Variants in LIPA observed in about 807,000 individuals in gnomAD.
LIPA encodes the protein lysosomal acid lipase/cholesteryl ester hydrolase.
LIPA carries 26 observed loss-of-function variants against 40.6 expected under a neutral mutation model. The ratio of observed to expected loss-of-function variants is 0.64; its 90% CI spans 0.47 to 0.89. The LOEUF is 0.89. Among genes scored for constraint, LIPA ranks in the 40% least tolerant of loss-of-function variants. The pLI is 0.00. For synonymous variants in LIPA, 188 were observed against 168.4 expected (o/e 1.12, Z -0.90); for missense variants, 455 against 479.6 (o/e 0.95, Z 0.48).
At chr10:89,281,641 T>G (rs1331316342) in intron 1 of LIPA, among the ~76,000 whole-genome samples, 1 of 152,254 alleles carries the variant, frequency 6.6e-6, no homozygotes, top group Non-Finnish European at 1.5e-5. Context: ...ACTCAAGCAC[T>G]GATATTCCAG....
chr10:89,401,938 A>G (rs1310010565), intron 2 of LIPA, among the ~76,000 whole-genome samples: 1 of 152,230 alleles, frequency 6.6e-6, no homozygotes, highest in African/African-American at 2.4e-5. Context: ...TATTAAAATA[A>G]GAAACTCTTA....
At chr10:89,269,665 C>T (rs1432007556) in intron 1 of LIPA, among the ~76,000 whole-genome samples, 5 of 152,130 alleles carry the variant, frequency 3.3e-5, no homozygotes, top group Non-Finnish European at 7.4e-5. Flanking sequence ...AAATTTAAAG[C>T]GATGCGTTGG....
chr10:89,390,099 G>T (rs1299432980), intron 2 of LIPA, among the ~76,000 whole-genome samples: 1 of 147,722 alleles, frequency 6.8e-6, no homozygotes, highest in East Asian at 2.0e-4. Flanking sequence ...CGATTCTCCT[G>T]CCTCAGCCTC....
intron 2 of LIPA, among the ~76,000 whole-genome samples, chr10:89,412,220 G>A (rs1231844897): frequency 6.6e-6 from 1 of 152,182 alleles, no homozygotes; most frequent in East Asian, 1.9e-4. Context: ...ATTGAGAGGT[G>A]AAGCTGGCTG....
Position 89,214,183 on chromosome 10 carries a change from C to T in LIPA, c.*645G>A, listed in dbSNP as rs1035020554. 2.0e-5 allele frequency: 3 copies of T among 152,204 alleles called. No homozygotes were observed. Among genetic ancestry groups the T allele is most frequent in the Non-Finnish European group, 4.4e-5 (3 of 68,106 alleles). The allele number at this position is 152,204 out of a possible 1,614,324, so 9.4% of individuals were successfully genotyped here. ...TCAGTGCAATTTGTTTTTGAAGACG[C>T]CGGAAAACTATTTCATTTAACCTGA... On this transcript the variant is annotated 3_prime_UTR_variant, in exon 10 of 10. Transcript: ENST00000336233.
intron 2 of LIPA, among the ~76,000 whole-genome samples, chr10:89,390,216 C>T (rs1027351481): frequency 1.4e-4 from 22 of 152,098 alleles, no homozygotes; most frequent in African/African-American, 2.2e-4. Context: ...GAACTCCCAA[C>T]CTCAGGTGAT....
At chr10:89,276,438 A>C (rs778691628) in intron 1 of LIPA, among the ~76,000 whole-genome samples, 1 of 152,246 alleles carries the variant, frequency 6.6e-6, no homozygotes, top group Non-Finnish European at 1.5e-5. Context: ...CAAAAGTATC[A>C]CACCACATTA....
intron 1 of LIPA, among the ~76,000 whole-genome samples, chr10:89,319,209 G>C (rs1373857585): frequency 6.6e-6 from 1 of 152,046 alleles, no homozygotes; most frequent in Non-Finnish European, 1.5e-5. Flanking sequence ...AAATAACTAA[G>C]ATCAGAGCAG....
intron 2 of LIPA, among the ~76,000 whole-genome samples, chr10:89,353,581 C>T (rs755450958): frequency 1.2e-4 from 19 of 152,020 alleles, no homozygotes; most frequent in Non-Finnish European, 2.1e-4. Context: ...AAGGAAGTAA[C>T]GAAAGACCCC....
intron 9 of LIPA, 114 bp downstream of exon 9, chr10:89,215,824 A>T: frequency 1.3e-6 from 1 of 793,130 alleles, no homozygotes; most frequent in Non-Finnish European, 2.3e-6. Flanking sequence ...ACACTAGTCA[A>T]CTCCTGCAAA....
chr10:89,352,788 T>TAAA (rs34514402), intron 2 of LIPA, among the ~76,000 whole-genome samples: 10 of 113,122 alleles, frequency 8.8e-5, no homozygotes, highest in East Asian at 5.0e-4. Flanking sequence ...ACTACAAAGA[T>TAAA]AAAAAAAAAA....
In LIPA at chr10:89,266,260, A is replaced by G. The variant is rs192090567; in HGVS notation, c.-1-18611T>C. 1.4e-3 allele frequency among the ~76,000 whole-genome samples: 207 copies of G among 152,296 alleles called. 2 individuals carry two copies. The highest frequency in any genetic ancestry group is 6.8e-3 in the Middle Eastern group (2 of 294). On this transcript the variant is annotated intron_variant, in intron 1 of 5. Coordinates refer to the LIPA transcript ENST00000282673. ...TAAACACATTCTTTCTTACTGTATTAATGATATGTCTTTTTTTATGTAAAA... is the reference window on the plus strand; with the variant it reads ...TAAACACATTCTTTCTTACTGTATTGATGATATGTCTTTTTTTATGTAAAA...
At chr10:89,332,505 A>C in intron 1 of LIPA, 2 of 1,586,736 alleles carry the variant, frequency 1.3e-6, no homozygotes, top group Non-Finnish European at 1.7e-6. Flanking sequence ...CTTTCATAAA[A>C]GCACAGACCT....
At chr10:89,339,523 A>C in intron 1 of LIPA, 1 of 1,614,182 alleles carries the variant, frequency 6.2e-7, no homozygotes, top group South Asian at 1.1e-5. Context: ...GGCAAAAGTA[A>C]GACAAATGCA....
At chr10:89,252,002 C>T (rs1843132527), upstream of LIPA, 1 of 152,352 alleles carries the variant, frequency 6.6e-6, no homozygotes, top group Admixed American at 6.5e-5. Context: ...GAGATGGAGC[C>T]CGTCCTCCGC....
At chr10:89,349,701 T>A (rs1843946458) in intron 2 of LIPA, among the ~76,000 whole-genome samples, 1 of 152,154 alleles carries the variant, frequency 6.6e-6, no homozygotes, top group African/African-American at 2.4e-5. Flanking sequence ...GGGGTTACAC[T>A]CCCTGTGATG....
At chr10:89,373,957 T>G (rs1238099334) in intron 2 of LIPA, among the ~76,000 whole-genome samples, 1 of 152,172 alleles carries the variant, frequency 6.6e-6, no homozygotes, top group Non-Finnish European at 1.5e-5. Flanking sequence ...TGGGATTACT[T>G]TTTTCAGAAA....
intron 1 of LIPA, among the ~76,000 whole-genome samples, chr10:89,315,653 C>T (rs1273676608): frequency 6.6e-6 from 1 of 152,126 alleles, no homozygotes; most frequent in Non-Finnish European, 1.5e-5. Context: ...TATAATCCAT[C>T]CATTAAACAA....
intron 1 of LIPA, among the ~76,000 whole-genome samples, chr10:89,302,800 T>C (rs919631814): frequency 6.6e-6 from 1 of 152,090 alleles, no homozygotes; most frequent in African/African-American, 2.4e-5. Flanking sequence ...TGTTAGCTCA[T>C]TGAATAGGAA....
Sources: gnomAD v4.1 joint callset for allele counts (sites outside exome capture counted in the v4.1 genomes callset) on GRCh38, gnomAD v4.1.1 for gene constraint, MANE v1.5 for transcripts, NCBI Gene and HGNC (gene_info 2026-07-23, HGNC 2026-07-21) for gene names.